Variants in CMSS1 observed in about 807,000 individuals in gnomAD.
CMSS1 encodes the protein protein CMSS1.
Under a neutral mutation model 43.5 loss-of-function variants are expected in CMSS1, and 33 were observed. The observed-to-expected ratio is 0.76, with a 90% CI of 0.57 to 1.01. CMSS1 has a LOEUF of 1.01. CMSS1 is among the 50% of genes least tolerant of loss of function. CMSS1 has a pLI of 0.00. For missense variants in CMSS1, 313 were observed against 326.4 expected, an observed-to-expected ratio of 0.96 and a Z score of 0.32; for synonymous variants, 115 against 117.2, an observed-to-expected ratio of 0.98 and a Z score of 0.12.
chr3:100,166,438 T>G, intron 5 of CMSS1, 44 bp downstream of exon 5: 1 of 1,325,352 alleles, frequency 7.5e-7, no homozygotes, highest in Non-Finnish European at 1.1e-6. Context: ...CATTCTTATT[T>G]TGCTCTGGTT....
chr3:99,833,008 A>G (rs577326443), intron 1 of CMSS1: 19 of 525,994 alleles, frequency 3.6e-5, no homozygotes, highest in African/African-American at 3.0e-4. Flanking sequence ...TTTGGAATGC[A>G]TATTGCAAGA....
intron 1 of CMSS1, among the ~76,000 whole-genome samples, chr3:99,913,196 C>G (rs1706846201): frequency 6.6e-6 from 1 of 152,180 alleles, no homozygotes; most frequent in Non-Finnish European, 1.5e-5. Flanking sequence ...CTGTTGTTTA[C>G]AAGCCACCCA....
intron 1 of CMSS1, among the ~76,000 whole-genome samples, chr3:100,091,170 A>G (rs927780541): frequency 2.6e-5 from 4 of 151,866 alleles, no homozygotes; most frequent in African/African-American, 9.7e-5. Flanking sequence ...CTGTAGTCCC[A>G]GCTACTCGGG....
chr3:99,952,615 A>G (rs1708209618), intron 1 of CMSS1, among the ~76,000 whole-genome samples: 1 of 152,212 alleles, frequency 6.6e-6, no homozygotes, highest in African/African-American at 2.4e-5. Flanking sequence ...AGGCATAGAT[A>G]CACGGCTTTT....
At chr3:100,040,418 A>G (rs1164242611) in intron 1 of CMSS1, 14 of 152,228 alleles carry the variant, frequency 9.2e-5, no homozygotes, top group Non-Finnish European at 1.9e-4. Context: ...CCATTTTAAT[A>G]TAGATGAGTA....
Position 100,032,080 on chromosome 3 carries a change from C to T in CMSS1, c.65-114893C>T, listed in dbSNP as rs114302515. 4.9e-3 allele frequency among the ~76,000 whole-genome samples: 752 copies of T among 152,240 alleles called. 5 individuals are homozygous for T. Among genetic ancestry groups the T allele is most frequent in the African/African-American group, 0.017 (707 of 41,544 alleles). ...GACAGGCTACAGACCAGATCTAGCC[C>T]ATTAGCCATAGTTTGCTAAACCCTG... On this transcript the variant is annotated intron_variant, in intron 1 of 9. Transcript: ENST00000421999.
chr3:100,022,171 T>C (rs1424227115), intron 1 of CMSS1, among the ~76,000 whole-genome samples: 4 of 152,196 alleles, frequency 2.6e-5, no homozygotes, highest in African/African-American at 9.6e-5. Flanking sequence ...GTTGAGTCTC[T>C]TGGGAATCCT....
chr3:100,070,966 T>G (rs2065751213), intron 1 of CMSS1, among the ~76,000 whole-genome samples: 1 of 152,198 alleles, frequency 6.6e-6, no homozygotes, highest in Non-Finnish European at 1.5e-5. Flanking sequence ...CCTTATTAAA[T>G]TCTCACTATG....
At chr3:100,038,305 G>A (rs2065144951) in intron 1 of CMSS1, among the ~76,000 whole-genome samples, 1 of 152,102 alleles carries the variant, frequency 6.6e-6, no homozygotes, top group African/African-American at 2.4e-5. Context: ...AATAAGAAAA[G>A]TAATGAAGTA....
chr3:99,820,041 C>A (rs1466941688), intron 1 of CMSS1, among the ~76,000 whole-genome samples: 3 of 152,010 alleles, frequency 2.0e-5, no homozygotes, highest in African/African-American at 7.3e-5. Context: ...GCGTGAGCCA[C>A]CGTGCCTGGC....
intron 1 of CMSS1, among the ~76,000 whole-genome samples, chr3:100,127,453 T>C (rs994876824): frequency 6.6e-6 from 1 of 152,230 alleles, no homozygotes; most frequent in African/African-American, 2.4e-5. Flanking sequence ...GTTCTGTACC[T>C]TAGCTGTTCC....
intron 1 of CMSS1, among the ~76,000 whole-genome samples, chr3:100,084,179 T>A (rs927610842): frequency 1.3e-5 from 2 of 152,198 alleles, no homozygotes; most frequent in African/African-American, 2.4e-5. Context: ...GTGCCCCAGT[T>A]AAGCAAAAGC....
intron 1 of CMSS1, among the ~76,000 whole-genome samples, chr3:100,128,951 G>A (rs1318027413): frequency 1.3e-5 from 2 of 152,096 alleles, no homozygotes; most frequent in Non-Finnish European, 2.9e-5. Flanking sequence ...AACTATCATA[G>A]AGTAAAATTG....
At chr3:99,931,685 AG>A (rs1707488018) in intron 1 of CMSS1, among the ~76,000 whole-genome samples, 1 of 152,218 alleles carries the variant, frequency 6.6e-6, no homozygotes. Flanking sequence ...GGGTAAGTCA[AG>A]GGCTTATATT....
At chr3:100,120,321 A>G (rs2066609083) in intron 1 of CMSS1, among the ~76,000 whole-genome samples, 1 of 152,188 alleles carries the variant, frequency 6.6e-6, no homozygotes, top group African/African-American at 2.4e-5. Flanking sequence ...TGCCCATATT[A>G]CTTTTCCAAA....
At chr3:99,928,141 G>GT (rs1322542940) in intron 1 of CMSS1, among the ~76,000 whole-genome samples, 3 of 152,238 alleles carry the variant, frequency 2.0e-5, no homozygotes, top group African/African-American at 7.2e-5. Context: ...TTAGGATACA[G>GT]TCACAGCTGG....
At chr3:100,094,649 C>T (rs1559755472) in intron 1 of CMSS1, among the ~76,000 whole-genome samples, 1 of 147,606 alleles carries the variant, frequency 6.8e-6, no homozygotes, top group East Asian at 2.0e-4. Context: ...CCAATTTCTC[C>T]AGCACCATTT....
At chr3:99,948,567 G>A (rs1375545597) in intron 1 of CMSS1, among the ~76,000 whole-genome samples, 1 of 146,496 alleles carries the variant, frequency 6.8e-6, no homozygotes, top group Non-Finnish European at 1.5e-5. Flanking sequence ...AGAAGGAGAA[G>A]GCGAAGGAGA....
At chr3:100,061,783 A>G (rs2065570958) in intron 1 of CMSS1, among the ~76,000 whole-genome samples, 1 of 152,234 alleles carries the variant, frequency 6.6e-6, no homozygotes, top group African/African-American at 2.4e-5. Flanking sequence ...GCAATACCCA[A>G]GGACTCACAG....
Sources: gnomAD v4.1 joint callset for allele counts (sites outside exome capture counted in the v4.1 genomes callset) on GRCh38, gnomAD v4.1.1 for gene constraint, MANE v1.5 for transcripts, NCBI Gene and HGNC (gene_info 2026-07-23, HGNC 2026-07-21) for gene names.